Variants in CHST1 observed in about 807,000 individuals in gnomAD.
CHST1 encodes Keratan sulfotransferase.
Under a neutral mutation model 22.5 loss-of-function variants are expected in CHST1, and 10 were observed. That is an observed-to-expected ratio of 0.44 (90% CI 0.27 to 0.75). The LOEUF (loss-of-function observed/expected upper bound fraction) is 0.75. Ranked by LOEUF, CHST1 falls within the 30% of genes least tolerant of loss-of-function variation. The pLI is 0.15. For missense variants in CHST1, 439 were observed against 576.1 expected, an observed-to-expected ratio of 0.76 and a Z score of 2.44; for synonymous variants, 267 against 264.5, an observed-to-expected ratio of 1.01 and a Z score of -0.09.
intron 1 of CHST1, among the ~76,000 whole-genome samples, chr11:45,664,386 G>A (rs977732970): frequency 6.6e-6 from 1 of 152,238 alleles, no homozygotes; most frequent in East Asian, 1.9e-4. Flanking sequence ...AGCTGAGGAA[G>A]GCAGTCCTGT....
At chr11:45,653,735 T>C (rs1052433265) in intron 1 of CHST1, among the ~76,000 whole-genome samples, 9 of 152,240 alleles carry the variant, frequency 5.9e-5, no homozygotes, top group Admixed American at 6.5e-5. Context: ...AACTCCTGTA[T>C]GTGCCAGGCA....
At position 45,650,420 on chromosome 11, in the gene CHST1, A is replaced by G. The variant is rs1401604885; in HGVS notation, c.504T>C (p.Pro168=). ...RVLCSRPVCD[P]PGPADLVLEE... ...CCAGGACCAGGTCGGCTGGCCCCGG[A>G]GGGTCGCACACAGGCCGGGAGCAGA... The change falls in exon 4 of 4, where the codon CCT becomes CCC. Residue 168 remains proline, a synonymous_variant. Coordinates refer to ENST00000308064, the MANE Select transcript of CHST1 (RefSeq NM_003654.6). 4 of 1,607,834 alleles carry G rather than the reference A, an allele frequency of 2.5e-6. No individual in the cohort carries two copies. The Admixed American group carries it at 6.7e-5, about 27-fold the overall frequency.
At chr11:45,660,500 G>A (rs952674859) in intron 1 of CHST1, among the ~76,000 whole-genome samples, 1 of 152,198 alleles carries the variant, frequency 6.6e-6, no homozygotes, top group African/African-American at 2.4e-5. Flanking sequence ...TTGAGTCCTG[G>A]GCAGCCTTAA....
chr11:45,660,941 C>G (rs1852124640), intron 1 of CHST1, among the ~76,000 whole-genome samples: 1 of 152,228 alleles, frequency 6.6e-6, no homozygotes, highest in African/African-American at 2.4e-5. Context: ...AATCAAGGAG[C>G]AAACACAAAG....
At position 45,648,081 on chromosome 11, in the gene CHST1, G is replaced by A. The variant is rs1053152962; in HGVS notation, c.*1607C>T. On this transcript the variant is annotated 3_prime_UTR_variant, in exon 4 of 4. Coordinates refer to ENST00000308064, the MANE Select transcript of CHST1 (RefSeq NM_003654.6). ...CTAGATTGCCACGAAGGGAAGGGGA[G>A]GAAGCACAGCAGATTCTCTGCCAGT... 3.9e-5 allele frequency among the ~76,000 whole-genome samples: 6 copies of A among 152,194 alleles called. No homozygotes were observed. Among genetic ancestry groups the A allele is most frequent in the African/African-American group, 1.4e-4 (6 of 41,436 alleles).
chr11:45,664,390 G>A (rs1852171320), intron 1 of CHST1, among the ~76,000 whole-genome samples: 1 of 152,232 alleles, frequency 6.6e-6, no homozygotes, highest in Non-Finnish European at 1.5e-5. Context: ...GAGGAAGGCA[G>A]TCCTGTGAAA....
chr11:45,664,688 G>T (rs1252724395), intron 1 of CHST1, among the ~76,000 whole-genome samples: 1 of 152,228 alleles, frequency 6.6e-6, no homozygotes, highest in Non-Finnish European at 1.5e-5. Context: ...CCAGCTCATC[G>T]CAGCGGTCTG....
At chr11:45,651,053 G>T in intron 3 of CHST1, 88 bp from the exon 4 acceptor site, 1 of 981,088 alleles carries the variant, frequency 1.0e-6, no homozygotes, top group Non-Finnish European at 1.4e-6. Flanking sequence ...AAGGGGCCCA[G>T]GGAAAGGCCC....
Position 45,649,120 on chromosome 11 carries a change from TCACAGTAAAAA to T in CHST1, c.*557_*567del. On this transcript the variant is annotated 3_prime_UTR_variant, in exon 4 of 4. Transcript: ENST00000308064. ...AAACAGAAACAGGTCCACGTTCACC[TCACAGTAAAAA>T]CCTGCCTCACCGACAGGCAAGGGCG... 3 of 152,502 alleles carry T rather than the reference TCACAGTAAAAA, an allele frequency of 2.0e-5. No individual in the cohort carries two copies. Among genetic ancestry groups the T allele is most frequent in the African/African-American group, 7.3e-5 (3 of 41,234 alleles). 9.4% of individuals were successfully genotyped at this position (152,502 alleles called of 1,614,324 possible).
At chr11:45,652,724 C>T (rs1157642220) in intron 1 of CHST1, 118 bp from the exon 2 acceptor site, 1 of 152,310 alleles carries the variant, frequency 6.6e-6, no homozygotes, top group East Asian at 1.9e-4. Context: ...TGCGCCAAGC[C>T]CCTTCCCTGC....
rs1255269289 is a variant in CHST1 at position 45,650,467 on chromosome 11, G to A, written c.457C>T (p.Arg153Cys). 1.9e-6 allele frequency: 3 copies of A among 1,612,750 alleles called. No individual in the cohort carries two copies. In the African/African-American group the frequency reaches 4.0e-5, roughly 22 times the overall value. The change falls in exon 4 of 4, where the codon CGC becomes TGC. Residue 153 changes from arginine to cysteine, a missense_variant. By Grantham distance (180) the Arg-to-Cys change is radical. Transcript: ENST00000308064. Reference protein sequence around the residue: ...PVNHTTDRIFRRGASRVLCSR... With the variant: ...PVNHTTDRIFCRGASRVLCSR... The stretch of plus-strand genomic sequence containing the variant: ...CAGAGGACCCGGCTGGCCCCGCGGC[G>A]GAAGATCCTGTCGGTGGTGTGGTTG...
At chr11:45,652,657 C>A (rs1194772402) in intron 1 of CHST1, 51 bp from the exon 2 acceptor site, 1 of 152,256 alleles carries the variant, frequency 6.6e-6, no homozygotes, top group Non-Finnish European at 1.5e-5. Context: ...CCTCGATGCA[C>A]CTCATAGAGT....
intron 1 of CHST1, among the ~76,000 whole-genome samples, chr11:45,662,054 G>A (rs1159135575): frequency 1.3e-5 from 2 of 152,194 alleles, no homozygotes; most frequent in African/African-American, 4.8e-5. Flanking sequence ...TTCTAACTTG[G>A]GGTTAGGAGA....
chr11:45,650,234 G>T lies in CHST1; in HGVS notation c.690C>A (p.Ile230=), dbSNP rs754069806. ...TGCCGCGGGGGTCTCGGACCAGCTG[G>T]ATGACCTTGAGGTTTAATCGCGGGT... The part of the protein sequence containing the change: ...VEDPRLNLKV[I]QLVRDPRGIL... Residue 230 remains isoleucine, a synonymous_variant, in exon 4 of 4, where the codon ATC becomes ATA. Coordinates refer to ENST00000308064, the MANE Select transcript of CHST1 (RefSeq NM_003654.6). 30 of 1,609,208 alleles carry T rather than the reference G, an allele frequency of 1.9e-5. No individual in the cohort carries two copies. Among genetic ancestry groups the T allele is most frequent in the Non-Finnish European group, 2.5e-5 (29 of 1,179,872 alleles).
intron 1 of CHST1, among the ~76,000 whole-genome samples, chr11:45,653,063 A>G (rs1335949967): frequency 6.6e-6 from 1 of 152,180 alleles, no homozygotes; most frequent in Non-Finnish European, 1.5e-5. Context: ...GGTCCTGTGG[A>G]TCTGTTGGTT....
At position 45,650,972 on chromosome 11, in the gene CHST1, G is replaced by C; in HGVS notation, c.-42-7C>G. On this transcript the variant is annotated splice_region_variant and splice_polypyrimidine_tract_variant and intron_variant, in intron 3 of 3. Transcript: ENST00000308064. Reference sequence around the variant, plus strand: ...CTTCTCCAAGGGGTGAGGTCTGTGGGCAAAGGCGGCCAGCGGTCAGGTGCC... The same window carrying C: ...CTTCTCCAAGGGGTGAGGTCTGTGGCCAAAGGCGGCCAGCGGTCAGGTGCC... 2 of 1,506,510 alleles carry C rather than the reference G, an allele frequency of 1.3e-6. No homozygotes were observed. The highest frequency in any genetic ancestry group is 1.8e-6 in the Non-Finnish European group (2 of 1,129,232). 93.3% of individuals were successfully genotyped at this position (1,506,510 alleles called of 1,614,324 possible). A position where few individuals can be genotyped will look rare whatever the true frequency, so the allele number is the denominator to read the frequency against.
chr11:45,659,000 A>G (rs1197071674), intron 1 of CHST1, among the ~76,000 whole-genome samples: 1 of 152,194 alleles, frequency 6.6e-6, no homozygotes, highest in Non-Finnish European at 1.5e-5. Context: ...CCACCTGCAC[A>G]TTAAGCCTGG....
chr11:45,648,978 A>G lies in CHST1; in HGVS notation c.*710T>C, dbSNP rs1233068360. ...ACTCTTTTTTTTTCTTTTTGGCACA[A>G]AGAAATATCACAGATGGACCCCGAG... On this transcript the variant is annotated 3_prime_UTR_variant, in exon 4 of 4. Transcript: ENST00000308064. 2 of 152,464 alleles carry G rather than the reference A, an allele frequency of 1.3e-5. No homozygotes were observed. The highest frequency in any genetic ancestry group is 4.8e-5 in the African/African-American group (2 of 41,380). The allele number at this position is 152,464 out of a possible 1,614,324, so 9.4% of individuals were successfully genotyped here. A position where few individuals can be genotyped will look rare whatever the true frequency, so the allele number is the denominator to read the frequency against.
At chr11:45,662,227 T>G (rs45512092) in intron 1 of CHST1, among the ~76,000 whole-genome samples, 1 of 152,112 alleles carries the variant, frequency 6.6e-6, no homozygotes, top group South Asian at 2.1e-4. Context: ...GGCCACCATC[T>G]CTGCCTGGAC....
Sources: gnomAD v4.1 joint callset for allele counts (sites outside exome capture counted in the v4.1 genomes callset) on GRCh38, gnomAD v4.1.1 for gene constraint, MANE v1.5 for transcripts, NCBI Gene and HGNC (gene_info 2026-07-23, HGNC 2026-07-21) for gene names.